The following RASEF variants were observed in gnomAD, a reference collection of about 807,000 sequenced individuals.
RASEF encodes the protein RAS and EF-hand domain containing.
Under a neutral mutation model 90.1 loss-of-function variants are expected in RASEF, and 68 were observed. The observed-to-expected ratio is 0.75, with a 90% CI of 0.62 to 0.92. The LOEUF is 0.92. Among genes scored for constraint, RASEF ranks in the 40% least tolerant of loss-of-function variants. The pLI, the probability that RASEF is intolerant of heterozygous loss-of-function variation, is 0.00. For synonymous variants in RASEF, 331 were observed against 345.2 expected, an observed-to-expected ratio of 0.96 and a Z score of 0.46; for missense variants, 949 against 937.2, an observed-to-expected ratio of 1.01 and a Z score of -0.16.
the RASEF span, among the ~76,000 whole-genome samples, chr9:83,173,194 G>A: frequency 6.6e-6 from 1 of 151,642 alleles, no homozygotes; most frequent in South Asian, 2.1e-4. Flanking sequence ...CTTAACCTTT[G>A]AGAGTTTGAT....
chr9:83,176,774 C>T, the RASEF span, among the ~76,000 whole-genome samples: 1 of 151,946 alleles, frequency 6.6e-6, no homozygotes, highest in African/African-American at 2.4e-5. Context: ...TCACCCTTTT[C>T]CCTTTTTTGT....
intron 1 of RASEF, among the ~76,000 whole-genome samples, chr9:83,036,148 A>G (rs1190424947): frequency 6.6e-6 from 1 of 152,210 alleles, no homozygotes; most frequent in Admixed American, 6.5e-5. Context: ...TCCAGACACA[A>G]TGTAACTAAA....
At chr9:83,203,608 A>G in the RASEF span, among the ~76,000 whole-genome samples, 1 of 152,168 alleles carries the variant, frequency 6.6e-6, no homozygotes, top group South Asian at 2.1e-4. Context: ...GTTCGTTGAA[A>G]GTGAAAATAG....
rs1049399654 is a variant in RASEF at position 82,980,574 on chromosome 9, T to C, written c.*2103A>G. ...TCTTTCACAGATTGTAAAACAAATA[T>C]AAAGAGACACTTTGGAGAGAATAAA... On this transcript the variant is annotated 3_prime_UTR_variant, in exon 17 of 17. Transcript: ENST00000376447. 2 of 152,154 alleles carry C rather than the reference T, an allele frequency of 1.3e-5. No individual in the cohort carries two copies. Among genetic ancestry groups the C allele is most frequent in the Admixed American group, 6.5e-5 (1 of 15,272 alleles). The allele number at this position is 152,154 out of a possible 1,614,324, so 9.4% of individuals were successfully genotyped here.
chr9:83,070,177 AT>A, the RASEF span, among the ~76,000 whole-genome samples: 1 of 152,150 alleles, frequency 6.6e-6, no homozygotes, highest in South Asian at 2.1e-4. Flanking sequence ...TATAGTATGT[AT>A]TTTTATGACC....
the RASEF span, among the ~76,000 whole-genome samples, chr9:83,118,729 GACA>G: frequency 6.6e-6 from 1 of 152,116 alleles, no homozygotes; most frequent in Non-Finnish European, 1.5e-5. Context: ...AGCATACAAT[GACA>G]TTAGGATCAT....
chr9:83,147,609 G>A, the RASEF span, among the ~76,000 whole-genome samples: 1 of 151,950 alleles, frequency 6.6e-6, no homozygotes, highest in Non-Finnish European at 1.5e-5. Flanking sequence ...GGGTGCCTGC[G>A]ACTCCTAAAG....
chr9:83,012,798 G>C (rs895847828), intron 4 of RASEF, among the ~76,000 whole-genome samples: 2 of 152,172 alleles, frequency 1.3e-5, no homozygotes, highest in African/African-American at 4.8e-5. Context: ...TCCAGTTCTT[G>C]CTTTTTTCAG....
At chr9:83,206,123 C>G in the RASEF span, among the ~76,000 whole-genome samples, 1 of 152,156 alleles carries the variant, frequency 6.6e-6, no homozygotes, top group Non-Finnish European at 1.5e-5. Flanking sequence ...TCTATCGTTT[C>G]AGCCATTTCT....
At chr9:83,140,660 A>G in the RASEF span, among the ~76,000 whole-genome samples, 1 of 152,232 alleles carries the variant, frequency 6.6e-6, no homozygotes, top group African/African-American at 2.4e-5. Context: ...CAGGAAAATT[A>G]TATAAATACA....
At chr9:83,003,336 C>T (rs1829072974) in intron 9 of RASEF, among the ~76,000 whole-genome samples, 1 of 152,152 alleles carries the variant, frequency 6.6e-6, no homozygotes, top group Admixed American at 6.5e-5. Context: ...GACGTGATGA[C>T]TTTGTCCCCT....
the RASEF span, among the ~76,000 whole-genome samples, chr9:83,208,659 C>T: frequency 6.6e-6 from 1 of 152,192 alleles, no homozygotes; most frequent in African/African-American, 2.4e-5. Context: ...CCCTCCCTCT[C>T]ATTCCTAACT....
chr9:83,076,459 A>G, the RASEF span, among the ~76,000 whole-genome samples: 1 of 152,160 alleles, frequency 6.6e-6, no homozygotes, highest in South Asian at 2.1e-4. Flanking sequence ...ATTTGCCACA[A>G]AATGAGGTAG....
chr9:83,072,996 A>G, the RASEF span, among the ~76,000 whole-genome samples: 1 of 152,200 alleles, frequency 6.6e-6, no homozygotes, highest in Non-Finnish European at 1.5e-5. Context: ...GTTGAGTGAT[A>G]TAAGTAAAAT....
At chr9:83,205,641 C>T in the RASEF span, among the ~76,000 whole-genome samples, 1 of 152,130 alleles carries the variant, frequency 6.6e-6, no homozygotes, top group African/African-American at 2.4e-5. Context: ...TCTTACAGAA[C>T]TTCATCCTCT....
At chr9:83,117,408 G>A in the RASEF span, among the ~76,000 whole-genome samples, 1 of 152,170 alleles carries the variant, frequency 6.6e-6, no homozygotes, top group African/African-American at 2.4e-5. Context: ...ACTCAAATTA[G>A]ATGAATGAAA....
chr9:83,134,021 C>A, the RASEF span, among the ~76,000 whole-genome samples: 1 of 152,092 alleles, frequency 6.6e-6, no homozygotes, highest in African/African-American at 2.4e-5. Flanking sequence ...CTGCACTAGT[C>A]CAAATTATGA....
the RASEF span, among the ~76,000 whole-genome samples, chr9:83,186,350 A>T: frequency 6.6e-6 from 1 of 152,156 alleles, no homozygotes; most frequent in Non-Finnish European, 1.5e-5. Context: ...CCTACATTTC[A>T]TGTTGCTTCC....
the RASEF span, among the ~76,000 whole-genome samples, chr9:83,122,657 CT>C: frequency 2.0e-5 from 3 of 152,038 alleles, no homozygotes; most frequent in Non-Finnish European, 4.4e-5. Context: ...TTATAAAGAG[CT>C]TTTAATTAAT....
Sources: gnomAD v4.1 joint callset for allele counts (sites outside exome capture counted in the v4.1 genomes callset) on GRCh38, gnomAD v4.1.1 for gene constraint, MANE v1.5 for transcripts, NCBI Gene and HGNC (gene_info 2026-07-23, HGNC 2026-07-21) for gene names.